CSMD1: variants seen among roughly 807,000 people sequenced by gnomAD.
CSMD1 encodes CUB and sushi domain-containing protein 1.
CSMD1 carries 213 observed loss-of-function variants against 417.5 expected under a neutral mutation model. That is an observed-to-expected ratio of 0.51 (90% CI 0.46 to 0.57). The LOEUF (loss-of-function observed/expected upper bound fraction) is 0.57. Among genes scored for constraint, CSMD1 ranks in the 20% least tolerant of loss-of-function variants. The probability of loss-of-function intolerance (pLI) is 0.00; values close to 1 mark genes in which losing one functional copy is unlikely to be tolerated. For missense variants in CSMD1, 6,923 were observed against 4,529.7 expected (o/e 1.53, Z -15.17); for synonymous variants, 2,862 against 1,736.8 (o/e 1.65, Z -16.11).
At chr8:4,796,422 T>C (rs1797986328) in intron 1 of CSMD1, among the ~76,000 whole-genome samples, 1 of 152,014 alleles carries the variant, frequency 6.6e-6, no homozygotes, top group Non-Finnish European at 1.5e-5. Context: ...AAACTTGCAT[T>C]TGCAATTTTC....
At position 3,348,408 on chromosome 8, in the gene CSMD1, G is replaced by A. The variant is rs74987341; in HGVS notation, c.3305-247C>T. 4.8e-3 allele frequency among the ~76,000 whole-genome samples: 732 copies of A among 152,236 alleles called. 10 individuals carry two copies. The highest frequency in any genetic ancestry group is 8.4e-3 in the Non-Finnish European group (570 of 68,020). ...AATGACCTCTGACTATGTGGAAGCA[G>A]CATGCTATCATACAGAGAGTTCTAG... On this transcript the variant is annotated intron_variant, in intron 21 of 69. Coordinates refer to ENST00000635120, the MANE Select transcript of CSMD1 (RefSeq NM_033225.6).
At chr8:4,472,227 A>C (rs952452326) in intron 2 of CSMD1, among the ~76,000 whole-genome samples, 1 of 152,094 alleles carries the variant, frequency 6.6e-6, no homozygotes, top group African/African-American at 2.4e-5. Context: ...AATTATTTTA[A>C]AATCGAATAG....
intron 7 of CSMD1, among the ~76,000 whole-genome samples, chr8:3,707,438 T>C (rs1307607484): frequency 6.6e-6 from 1 of 151,950 alleles, no homozygotes. Flanking sequence ...AAACATCACA[T>C]GAAAAGATTG....
At chr8:3,956,752 A>G (rs957841380) in intron 5 of CSMD1, among the ~76,000 whole-genome samples, 6 of 151,954 alleles carry the variant, frequency 3.9e-5, no homozygotes, top group Non-Finnish European at 5.9e-5. Flanking sequence ...CTTTAGCCCA[A>G]CTCCAAAGCT....
chr8:4,716,092 G>A (rs572359763), intron 1 of CSMD1, among the ~76,000 whole-genome samples: 62 of 152,294 alleles, frequency 4.1e-4, no homozygotes, highest in Admixed American at 1.2e-3. Flanking sequence ...GTTGGGGGCA[G>A]GGACTCTTAG....
At chr8:4,595,267 G>A (rs1304968189) in intron 2 of CSMD1, among the ~76,000 whole-genome samples, 1 of 149,028 alleles carries the variant, frequency 6.7e-6, no homozygotes, top group Non-Finnish European at 1.5e-5. Flanking sequence ...GAGACAGGAA[G>A]GTATAATATG....
In CSMD1 at chr8:3,475,918, T is replaced by C. The variant is rs185589215; in HGVS notation, c.1449-7094A>G. Among the ~76,000 whole-genome samples, 226 of 152,346 alleles carry C rather than the reference T, an allele frequency of 1.5e-3. 1 individual carries two copies. Among genetic ancestry groups the C allele is most frequent in the African/African-American group, 5.3e-3 (220 of 41,580 alleles). On this transcript the variant is annotated intron_variant, in intron 11 of 69. Coordinates refer to ENST00000635120, the MANE Select transcript of CSMD1 (RefSeq NM_033225.6). ...TGAAAGCTTAATGACAACCATAAGA[T>C]ACAGTAACTTTATGATGTTTTGGTT...
At chr8:3,279,264 C>T (rs1191722769) in intron 26 of CSMD1, 2 of 152,230 alleles carry the variant, frequency 1.3e-5, no homozygotes, top group Non-Finnish European at 2.9e-5. Context: ...GAGGCAGGAC[C>T]ATGTCCCTCT....
rs1258968353 is a variant in CSMD1 at position 3,796,434 on chromosome 8, ATATC to A, written c.819-42396_819-42393del. 4.2e-5 allele frequency among the ~76,000 whole-genome samples: 5 copies of A among 118,508 alleles called. 2 individuals are homozygous for A. The highest frequency in any genetic ancestry group is 9.1e-5 in the Non-Finnish European group (5 of 54,898). 77.7% of individuals were successfully genotyped at this position (118,508 alleles called of 152,430 possible). ...ATATATCTATCATGTATAGATATAT[ATATC>A]TATCGTGTATAGATATAGATATCTA... On this transcript the variant is annotated intron_variant, in intron 5 of 69. Coordinates refer to ENST00000635120, the MANE Select transcript of CSMD1 (RefSeq NM_033225.6).
chr8:4,341,891 C>T (rs1800498396), intron 3 of CSMD1, among the ~76,000 whole-genome samples: 1 of 152,118 alleles, frequency 6.6e-6, no homozygotes, highest in African/African-American at 2.4e-5. Context: ...ACACCACTAA[C>T]TTTCTGATTA....
At chr8:4,113,106 G>A (rs541644803) in intron 3 of CSMD1, among the ~76,000 whole-genome samples, 3 of 152,092 alleles carry the variant, frequency 2.0e-5, no homozygotes, top group Non-Finnish European at 4.4e-5. Context: ...TTAATGTGGT[G>A]TGTGTTCTTA....
At chr8:3,452,715 G>A (rs1815821989) in intron 12 of CSMD1, among the ~76,000 whole-genome samples, 1 of 152,094 alleles carries the variant, frequency 6.6e-6, no homozygotes, top group African/African-American at 2.4e-5. Context: ...TTGATTTGGT[G>A]TGCCAGTATT....
At chr8:4,986,857 T>C (rs990476737) in intron 1 of CSMD1, among the ~76,000 whole-genome samples, 1 of 152,228 alleles carries the variant, frequency 6.6e-6, no homozygotes, top group Non-Finnish European at 1.5e-5. Context: ...GTGAGCTAAA[T>C]GGTCTGTGAA....
chr8:3,385,030 A>AT (rs375549122), intron 18 of CSMD1, among the ~76,000 whole-genome samples: 3 of 117,250 alleles, frequency 2.6e-5, no homozygotes, highest in African/African-American at 6.8e-5. Flanking sequence ...ATATAAATAT[A>AT]ATATATATAA....
At position 3,347,246 on chromosome 8, in the gene CSMD1, G is replaced by C. The variant is rs1461659928; in HGVS notation, c.3474+746C>G. 4.6e-5 allele frequency among the ~76,000 whole-genome samples: 7 copies of C among 152,322 alleles called. No individual in the cohort carries two copies. In the East Asian group the frequency reaches 1.2e-3, roughly 25 times the overall value. ...TGAAGCTTTTCCTTTTCAGTGCCTT[G>C]AGGCTAGGTTGCCCATTCTCCAACC... On this transcript the variant is annotated intron_variant, in intron 22 of 69. Coordinates refer to ENST00000635120, the MANE Select transcript of CSMD1 (RefSeq NM_033225.6).
intron 5 of CSMD1, among the ~76,000 whole-genome samples, chr8:3,920,928 C>G (rs929278744): frequency 3.9e-5 from 6 of 152,056 alleles, no homozygotes; most frequent in African/African-American, 1.4e-4. Flanking sequence ...TTGGCCTGTA[C>G]ATTTCTTTTA....
In CSMD1 at chr8:4,566,526, G is replaced by A. The variant is rs570700360; in HGVS notation, c.302+70816C>T. On this transcript the variant is annotated intron_variant, in intron 2 of 69. Transcript: ENST00000635120. ...AAATTAGCCGGGCGTGGTGGCGGGC[G>A]CCTGCAGTCCCACCTACTCGGGAGG... is the stretch of plus-strand genomic sequence containing the variant. Among the ~76,000 whole-genome samples, 193 of 151,684 alleles carry A rather than the reference G, an allele frequency of 1.3e-3. 1 individual carries two copies. Among genetic ancestry groups the A allele is most frequent in the African/African-American group, 4.3e-3 (179 of 41,396 alleles).
At position 2,968,243 on chromosome 8, in the gene CSMD1, T is replaced by A. The variant is rs79883118; in HGVS notation, c.8924-1497A>T. On this transcript the variant is annotated intron_variant, in intron 57 of 69. Transcript: ENST00000635120. ...CTCACTTACTGTGCAACAGGTACTG[T>A]GTGGATGGGCTAATGGAAAGCCTGT... is the stretch of plus-strand genomic sequence containing the variant. Among the ~76,000 whole-genome samples, 164 of 152,362 alleles carry A rather than the reference T, an allele frequency of 1.1e-3. 2 individuals carry two copies. In the East Asian group the frequency reaches 0.029, roughly 27 times the overall value.
At chr8:2,986,930 T>C (rs919284200) in intron 54 of CSMD1, among the ~76,000 whole-genome samples, 1 of 152,130 alleles carries the variant, frequency 6.6e-6, no homozygotes, top group African/African-American at 2.4e-5. Flanking sequence ...CAATTACTTT[T>C]GCATCGACCT....
Sources: gnomAD v4.1 joint callset for allele counts (sites outside exome capture counted in the v4.1 genomes callset) on GRCh38, gnomAD v4.1.1 for gene constraint, MANE v1.5 for transcripts, NCBI Gene and HGNC (gene_info 2026-07-23, HGNC 2026-07-21) for gene names.